DNAJC8: variants seen among roughly 807,000 people sequenced by gnomAD.
DNAJC8 encodes dnaJ homolog subfamily C member 8.
DNAJC8 carries 24 observed loss-of-function variants against 43.2 expected under a neutral mutation model. The ratio of observed to expected loss-of-function variants is 0.56; its 90% CI spans 0.40 to 0.78. The LOEUF is 0.78. Ranked by LOEUF, DNAJC8 falls within the 30% of genes least tolerant of loss-of-function variation. DNAJC8 has a pLI of 0.00. For missense variants in DNAJC8, 207 were observed against 299.4 expected (o/e 0.69, Z 2.28); for synonymous variants, 83 against 98.0 (o/e 0.85, Z 0.90).
At chr1:28,217,497 ATG>A (rs1646866158) in intron 2 of DNAJC8, among the ~76,000 whole-genome samples, 1 of 152,098 alleles carries the variant, frequency 6.6e-6, no homozygotes, top group South Asian at 2.1e-4. Flanking sequence ...GCGCATGAAA[ATG>A]AGAATTTTCA....
At chr1:28,225,426 T>G (rs1366845239) in intron 2 of DNAJC8, among the ~76,000 whole-genome samples, 1 of 151,370 alleles carries the variant, frequency 6.6e-6, no homozygotes, top group African/African-American at 2.4e-5. Flanking sequence ...AGATGAACCT[T>G]GAAAATATCA....
intron 3 of DNAJC8, among the ~76,000 whole-genome samples, chr1:28,211,472 T>C (rs2149016997): frequency 6.6e-6 from 1 of 152,312 alleles, no homozygotes. Flanking sequence ...TCTCAAGCAT[T>C]TCAGATAAGG....
intron 3 of DNAJC8, among the ~76,000 whole-genome samples, chr1:28,213,033 A>G (rs1646826104): frequency 6.6e-6 from 1 of 152,228 alleles, no homozygotes; most frequent in South Asian, 2.1e-4. Flanking sequence ...CCTTCTGTGT[A>G]ATACATCATT....
Position 28,200,831 on chromosome 1 carries a change from C to A in DNAJC8, c.*417G>T, listed in dbSNP as rs891582917. On this transcript the variant is annotated 3_prime_UTR_variant, in exon 9 of 9. Transcript: ENST00000263697. ...GAAGCGAGCAACTGAAGCGAAGGGGCTTCCTAAGGTGCCCCTTCCAGGCTT... is the reference window on the plus strand; with the variant it reads ...GAAGCGAGCAACTGAAGCGAAGGGGATTCCTAAGGTGCCCCTTCCAGGCTT... 1.7e-5 allele frequency: 6 copies of A among 363,528 alleles called. No individual in the cohort carries two copies. Among genetic ancestry groups the A allele is most frequent in the African/African-American group, 1.1e-4 (5 of 46,860 alleles). 22.5% of individuals were successfully genotyped at this position (363,528 alleles called of 1,614,324 possible).
At position 28,223,528 on chromosome 1, in the gene DNAJC8, G is replaced by A. The variant is rs75484192; in HGVS notation, c.180+5394C>T. On this transcript the variant is annotated intron_variant, in intron 2 of 8. Transcript: ENST00000263697. ...CATTCAGAGGGAAGGAGTGGCAGTGGGAAGTTAGTTGCATACAGAGAGATC... is the reference window on the plus strand; with the variant it reads ...CATTCAGAGGGAAGGAGTGGCAGTGAGAAGTTAGTTGCATACAGAGAGATC... 2.4e-4 allele frequency among the ~76,000 whole-genome samples: 37 copies of A among 152,136 alleles called. No homozygotes were observed. In the East Asian group the frequency reaches 6.4e-3, roughly 26 times the overall value.
In DNAJC8 at chr1:28,232,834, A is replaced by G. The variant is rs571874240; in HGVS notation, c.78+87T>C. On this transcript the variant is annotated intron_variant, in intron 1 of 8. Coordinates refer to ENST00000263697, the MANE Select transcript of DNAJC8 (RefSeq NM_014280.3). ...GACTGAAGGAATCGCCCAACGGTCCAGGCCAGGCGGCCACTGCCTTTGTCC... is the reference window on the plus strand; with the variant it reads ...GACTGAAGGAATCGCCCAACGGTCCGGGCCAGGCGGCCACTGCCTTTGTCC... 803 of 1,447,852 alleles carry G rather than the reference A, an allele frequency of 5.5e-4. 3 individuals are homozygous for G. The African/African-American group carries it at 8.3e-3, about 15-fold the overall frequency. The allele number at this position is 1,447,852 out of a possible 1,614,324, so 89.7% of individuals were successfully genotyped here.
intron 2 of DNAJC8, among the ~76,000 whole-genome samples, chr1:28,225,127 G>C (rs1646925496): frequency 6.6e-6 from 1 of 151,178 alleles, no homozygotes; most frequent in South Asian, 2.1e-4. Context: ...CCCTGAGAAA[G>C]ACTTTTTTGG....
intron 2 of DNAJC8, among the ~76,000 whole-genome samples, chr1:28,222,144 T>C (rs1267941142): frequency 6.6e-6 from 1 of 152,084 alleles, no homozygotes; most frequent in Non-Finnish European, 1.5e-5. Flanking sequence ...AAAAGAGTTA[T>C]GAGGATGGAT....
At chr1:28,219,394 A>C (rs537079875) in intron 2 of DNAJC8, among the ~76,000 whole-genome samples, 1 of 152,290 alleles carries the variant, frequency 6.6e-6, no homozygotes, top group East Asian at 1.9e-4. Flanking sequence ...CTGTGGTCCC[A>C]GCTACTCAGG....
intron 2 of DNAJC8, among the ~76,000 whole-genome samples, chr1:28,220,142 T>C (rs1646889209): frequency 2.6e-5 from 4 of 152,336 alleles, no homozygotes; most frequent in Admixed American, 2.6e-4. Context: ...GGAGAGTATA[T>C]ATACCTACAT....
chr1:28,224,236 T>G (rs1445220888), intron 2 of DNAJC8, among the ~76,000 whole-genome samples: 1 of 152,178 alleles, frequency 6.6e-6, no homozygotes, highest in Non-Finnish European at 1.5e-5. Flanking sequence ...AAATACTTAT[T>G]CATTACAAAG....
intron 7 of DNAJC8, among the ~76,000 whole-genome samples, chr1:28,204,385 A>T (rs1210930024): frequency 6.6e-6 from 1 of 152,098 alleles, no homozygotes; most frequent in African/African-American, 2.4e-5. Flanking sequence ...GTTCGAGACC[A>T]GCCTGACCAA....
At chr1:28,215,668 G>T (rs1557709411) in intron 2 of DNAJC8, among the ~76,000 whole-genome samples, 1 of 151,306 alleles carries the variant, frequency 6.6e-6, no homozygotes, top group East Asian at 2.0e-4. Context: ...CTCCTGAGTA[G>T]CTGGGATTAC....
At position 28,232,945 on chromosome 1, in the gene DNAJC8, T is replaced by C. The variant is rs1646991062; in HGVS notation, c.54A>G (p.Glu18=). 1 of 1,613,260 alleles carries C rather than the reference T, an allele frequency of 6.2e-7. No homozygotes were observed. Among genetic ancestry groups the C allele is most frequent in the Non-Finnish European group, 8.5e-7 (1 of 1,180,006 alleles). The change falls in exon 1 of 9, where the codon GAA becomes GAG. Residue 18 remains glutamate, a synonymous_variant. Transcript: ENST00000263697. ...CCTCACTGTAGAAGGTCATAAATGC[T>C]TCCTCGGTGCTGCCTCCGCCGCCTG... ...GTSGGGGSTE[E]AFMTFYSEVK... is the part of the protein sequence containing the mutation.
At chr1:28,231,161 A>G (rs141269417) in intron 1 of DNAJC8, among the ~76,000 whole-genome samples, 4,524 of 152,198 alleles carry the variant, frequency 0.03, 96 homozygotes, top group Non-Finnish European at 0.044. Context: ...GCTTGAGCCC[A>G]GGAGTTTAAG....
chr1:28,215,256 CCA>C (rs1483268623), intron 2 of DNAJC8, among the ~76,000 whole-genome samples: 3 of 151,838 alleles, frequency 2.0e-5, no homozygotes, highest in Non-Finnish European at 2.9e-5. Flanking sequence ...TATTTTACAC[CCA>C]GAGACATTTT....
chr1:28,208,484 A>T (rs1489160202), intron 5 of DNAJC8, 71 bp from the exon 6 acceptor site: 1 of 1,092,462 alleles, frequency 9.2e-7, no homozygotes, highest in African/African-American at 1.6e-5. Context: ...CTGTACACAT[A>T]CAATATATTT....
rs1027509337 is a variant in DNAJC8 at position 28,200,664 on chromosome 1, G to A, written c.*584C>T. 2 of 454,774 alleles carry A rather than the reference G, an allele frequency of 4.4e-6. No homozygotes were observed. Among genetic ancestry groups the A allele is most frequent in the African/African-American group, 2.0e-5 (1 of 50,032 alleles). 28.2% of individuals were successfully genotyped at this position (454,774 alleles called of 1,614,324 possible). Reference sequence around the variant, plus strand: ...CGGCTAGCTCTTTGGAAAGTGAAAGGTTTGGGTGGCGTGGGCCTCATGCCA... The same window carrying A: ...CGGCTAGCTCTTTGGAAAGTGAAAGATTTGGGTGGCGTGGGCCTCATGCCA... On this transcript the variant is annotated 3_prime_UTR_variant, in exon 9 of 9. Coordinates refer to ENST00000263697, the MANE Select transcript of DNAJC8 (RefSeq NM_014280.3).
Position 28,201,012 on chromosome 1 carries a change from T to C in DNAJC8, c.*236A>G. ...AGAAGGCAGCACCAATGGTGGCACCTTCTAATACTGGTTGTTCTAGGGGCA... is the reference window on the plus strand; with the variant it reads ...AGAAGGCAGCACCAATGGTGGCACCCTCTAATACTGGTTGTTCTAGGGGCA... On this transcript the variant is annotated 3_prime_UTR_variant, in exon 9 of 9. Transcript: ENST00000263697. The C allele has an allele frequency of 1.8e-6, 1 of 545,378 alleles. No individual in the cohort carries two copies. The highest frequency in any genetic ancestry group is 3.2e-6 in the Non-Finnish European group (1 of 311,870). 33.8% of individuals were successfully genotyped at this position (545,378 alleles called of 1,614,324 possible). A position where few individuals can be genotyped will look rare whatever the true frequency, so the allele number is the denominator to read the frequency against.
Sources: gnomAD v4.1 joint callset for allele counts (sites outside exome capture counted in the v4.1 genomes callset) on GRCh38, gnomAD v4.1.1 for gene constraint, MANE v1.5 for transcripts, NCBI Gene and HGNC (gene_info 2026-07-23, HGNC 2026-07-21) for gene names.